The following CLDN10 variants were observed in gnomAD, a reference collection of about 807,000 sequenced individuals.
CLDN10 encodes claudin-10.
Under a neutral mutation model 22.9 loss-of-function variants are expected in CLDN10, and 15 were observed. That is an observed-to-expected ratio of 0.65 (90% confidence interval 0.44 to 1.01). The LOEUF (loss-of-function observed/expected upper bound fraction) is 1.01, where lower values mean the gene tolerates loss of function less well. Among genes scored for constraint, CLDN10 ranks in the 50% least tolerant of loss-of-function variants. The pLI, the probability that CLDN10 is intolerant of heterozygous loss-of-function variation, is 0.00. For synonymous variants in CLDN10, 114 were observed against 111.4 expected, an observed-to-expected ratio of 1.02 and a Z score of -0.15; for missense variants, 247 against 287.8, an observed-to-expected ratio of 0.86 and a Z score of 1.03.
At chr13:95,524,576 T>A (rs1207549768) in intron 1 of CLDN10, among the ~76,000 whole-genome samples, 1 of 152,208 alleles carries the variant, frequency 6.6e-6, no homozygotes, top group Non-Finnish European at 1.5e-5. Flanking sequence ...ATTTAGGTTA[T>A]TTCCACCTTT....
chr13:95,553,740 T>A lies in CLDN10; in HGVS notation c.220+767T>A, dbSNP rs971926108. ...GGTGCCTGCTGCTGTCCTGGGTTGT[T>A]CCTTTGTGGAGGTTCACCTGCGTTG... On this transcript the variant is annotated intron_variant, in intron 1 of 4. Transcript: ENST00000299339. Among the ~76,000 whole-genome samples, 6 of 152,316 alleles carry A rather than the reference T, an allele frequency of 3.9e-5. No homozygotes were observed. In the East Asian group the frequency reaches 1.2e-3, roughly 29 times the overall value.
chr13:95,447,035 G>A (rs1007363343), intron 1 of CLDN10, among the ~76,000 whole-genome samples: 1 of 152,038 alleles, frequency 6.6e-6, no homozygotes, highest in African/African-American at 2.4e-5. Context: ...AACGAGTCCT[G>A]CCTTTAACTA....
At chr13:95,493,356 C>T (rs2042896161) in intron 1 of CLDN10, among the ~76,000 whole-genome samples, 1 of 151,914 alleles carries the variant, frequency 6.6e-6, no homozygotes, top group African/African-American at 2.4e-5. Flanking sequence ...GTATACAGTT[C>T]AGTGGTATTA....
At chr13:95,434,077 G>A in intron 1 of CLDN10, 6 of 1,590,878 alleles carry the variant, frequency 3.8e-6, no homozygotes, top group Non-Finnish European at 4.3e-6. Context: ...TTGGGGTGGA[G>A]GTAAAATGTA....
chr13:95,481,053 G>T (rs1449967129), intron 1 of CLDN10, among the ~76,000 whole-genome samples: 4 of 152,088 alleles, frequency 2.6e-5, no homozygotes, highest in Non-Finnish European at 4.4e-5. Flanking sequence ...TTCAAGCACA[G>T]GCACTCTCCG....
At chr13:95,575,813 G>A (rs532977631) in intron 3 of CLDN10, among the ~76,000 whole-genome samples, 3 of 152,232 alleles carry the variant, frequency 2.0e-5, no homozygotes, top group South Asian at 4.2e-4. Flanking sequence ...GTAAAGAAAG[G>A]GTCACAGAGC....
chr13:95,570,858 G>GTATA (rs55861640), intron 3 of CLDN10, among the ~76,000 whole-genome samples: 2,184 of 119,676 alleles, frequency 0.018, 69 homozygotes, highest in African/African-American at 0.061. Context: ...ATATACGTGT[G>GTATA]TATATATATA....
At chr13:95,538,487 T>C (rs2043424676) in intron 1 of CLDN10, among the ~76,000 whole-genome samples, 1 of 152,202 alleles carries the variant, frequency 6.6e-6, no homozygotes, top group African/African-American at 2.4e-5. Flanking sequence ...CTCCTCTCCA[T>C]ATGTGATGAT....
intron 1 of CLDN10, among the ~76,000 whole-genome samples, chr13:95,435,994 G>A (rs1460101549): frequency 1.3e-5 from 2 of 150,978 alleles, no homozygotes; most frequent in African/African-American, 2.4e-5. Flanking sequence ...GTCTTAATAT[G>A]TTTCATTCTG....
chr13:95,497,032 C>T (rs2042936574), intron 1 of CLDN10: 1 of 151,852 alleles, frequency 6.6e-6, no homozygotes, highest in African/African-American at 2.4e-5. Flanking sequence ...TGTTTTCCAG[C>T]TGGAAAACGA....
chr13:95,515,777 T>C (rs1005870979), intron 1 of CLDN10, among the ~76,000 whole-genome samples: 1 of 152,188 alleles, frequency 6.6e-6, no homozygotes, highest in Non-Finnish European at 1.5e-5. Context: ...CTTGACTGGT[T>C]TGGGAACAGA....
At chr13:95,511,240 T>C (rs867483695) in intron 1 of CLDN10, among the ~76,000 whole-genome samples, 2 of 152,118 alleles carry the variant, frequency 1.3e-5, no homozygotes, top group Non-Finnish European at 2.9e-5. Context: ...TGAGATACTG[T>C]AAATACAGAT....
intron 3 of CLDN10, among the ~76,000 whole-genome samples, chr13:95,563,209 G>GGA (rs71764554): frequency 1.8e-3 from 261 of 147,604 alleles, no homozygotes; most frequent in Middle Eastern, 3.5e-3. Context: ...AGTTAAGAGA[G>GGA]GAGAGAGAGA....
intron 1 of CLDN10, among the ~76,000 whole-genome samples, chr13:95,480,792 T>C (rs948794923): frequency 1.3e-5 from 2 of 152,196 alleles, no homozygotes; most frequent in African/African-American, 4.8e-5. Flanking sequence ...GACACGCTAT[T>C]CACATTCAAG....
At chr13:95,459,286 C>T (rs1427902820) in intron 1 of CLDN10, among the ~76,000 whole-genome samples, 1 of 152,222 alleles carries the variant, frequency 6.6e-6, no homozygotes, top group Non-Finnish European at 1.5e-5. Flanking sequence ...CTTCTCACAG[C>T]TCCACTAGGC....
At chr13:95,472,375 C>T (rs2042641711) in intron 1 of CLDN10, among the ~76,000 whole-genome samples, 1 of 152,120 alleles carries the variant, frequency 6.6e-6, no homozygotes. Flanking sequence ...CTCCTTTAGA[C>T]CAAATTTTAA....
intron 1 of CLDN10, among the ~76,000 whole-genome samples, chr13:95,509,818 T>C (rs1052748238): frequency 6.6e-6 from 1 of 152,140 alleles, no homozygotes; most frequent in Non-Finnish European, 1.5e-5. Flanking sequence ...ACTCCTTACT[T>C]GTTTCTTCTG....
chr13:95,550,820 CTTTTTTTTTTT>C (rs56225257), upstream of CLDN10, among the ~76,000 whole-genome samples: 17 of 85,546 alleles, frequency 2.0e-4, no homozygotes, highest in South Asian at 3.0e-3. Context: ...TAGGAAGATA[CTTTTTTTTTTT>C]TTTTTTTTTT....
At chr13:95,433,935 C>T (rs1439350594) in exon 1 of CLDN10, 3 of 1,614,198 alleles carry the variant, frequency 1.9e-6, no homozygotes, top group Non-Finnish European at 2.5e-6. Context: ...CCACGCGAGC[C>T]TCCTCGGTGA....
Sources: gnomAD v4.1 joint callset for allele counts (sites outside exome capture counted in the v4.1 genomes callset) on GRCh38, gnomAD v4.1.1 for gene constraint, MANE v1.5 for transcripts, NCBI Gene and HGNC (gene_info 2026-07-23, HGNC 2026-07-21) for gene names.